The following CNTNAP5 variants were observed in gnomAD, a reference collection of about 807,000 sequenced individuals.
CNTNAP5 encodes contactin-associated protein-like 5.
In CNTNAP5, 72 loss-of-function variants were observed where a neutral mutation model predicts 150.2. The observed-to-expected ratio is 0.48, with a 90% CI of 0.40 to 0.58. CNTNAP5 has a LOEUF of 0.58. CNTNAP5 is among the 20% of genes least tolerant of loss of function. The pLI is 0.00. For missense variants in CNTNAP5, 1,636 were observed against 1,626.2 expected, an observed-to-expected ratio of 1.01 and a Z score of -0.10; for synonymous variants, 672 against 619.8, an observed-to-expected ratio of 1.08 and a Z score of -1.25.
chr2:124,339,794 G>A (rs1208699424), intron 3 of CNTNAP5, among the ~76,000 whole-genome samples: 23 of 152,058 alleles, frequency 1.5e-4, no homozygotes, highest in Admixed American at 1.5e-3. Flanking sequence ...TGGTGGGCAG[G>A]GGTGAGGGAA....
chr2:124,892,011 G>A (rs1374736565), intron 21 of CNTNAP5, among the ~76,000 whole-genome samples: 3 of 152,004 alleles, frequency 2.0e-5, no homozygotes, highest in African/African-American at 4.8e-5. Flanking sequence ...AGTCATTAAG[G>A]CTATCTAAGG....
intron 11 of CNTNAP5, among the ~76,000 whole-genome samples, chr2:124,599,994 C>G (rs940572914): frequency 6.6e-6 from 1 of 151,764 alleles, no homozygotes; most frequent in East Asian, 1.9e-4. Context: ...CAGAGCTTAC[C>G]TTAGATTAGT....
At chr2:124,802,087 G>T (rs1681981994) in intron 19 of CNTNAP5, among the ~76,000 whole-genome samples, 1 of 152,162 alleles carries the variant, frequency 6.6e-6, no homozygotes, top group Non-Finnish European at 1.5e-5. Flanking sequence ...AGCCCATTTT[G>T]CTTTCTCCAA....
In CNTNAP5 at chr2:124,396,557, C is replaced by T. The variant is rs1443817826; in HGVS notation, c.382-20886C>T. 3.3e-5 allele frequency among the ~76,000 whole-genome samples: 5 copies of T among 152,088 alleles called. No individual in the cohort carries two copies. In the East Asian group the frequency reaches 9.6e-4, roughly 29 times the overall value. On this transcript the variant is annotated intron_variant, in intron 3 of 23. Transcript: ENST00000682447. The stretch of plus-strand genomic sequence containing the variant: ...AGGCTACAACAAGCATTATTTTGCC[C>T]CCTTTTCTCCTTTGTAAACAATTTA...
At chr2:124,769,538 C>T (rs1248762895) in intron 16 of CNTNAP5, among the ~76,000 whole-genome samples, 6 of 152,162 alleles carry the variant, frequency 3.9e-5, no homozygotes, top group African/African-American at 1.4e-4. Flanking sequence ...GGTCTTCTCC[C>T]TTCCTATTCA....
intron 1 of CNTNAP5, among the ~76,000 whole-genome samples, chr2:124,096,776 T>G (rs1017592032): frequency 2.0e-5 from 3 of 152,068 alleles, no homozygotes; most frequent in Admixed American, 2.0e-4. Context: ...TGATCTTGAC[T>G]CACTGCAACC....
intron 1 of CNTNAP5, among the ~76,000 whole-genome samples, chr2:124,118,667 A>C (rs1683485776): frequency 6.6e-6 from 1 of 152,134 alleles, no homozygotes; most frequent in South Asian, 2.1e-4. Context: ...CTGCTACAGG[A>C]CTTGTGGAGA....
intron 6 of CNTNAP5, among the ~76,000 whole-genome samples, chr2:124,461,530 G>T (rs1381393270): frequency 1.5e-5 from 2 of 129,622 alleles, no homozygotes; most frequent in Non-Finnish European, 3.2e-5. Context: ...ACTGTTGTGG[G>T]GTGGGGGGAG....
At chr2:124,748,662 C>T (rs1254201667) in intron 14 of CNTNAP5, among the ~76,000 whole-genome samples, 2 of 152,114 alleles carry the variant, frequency 1.3e-5, no homozygotes, top group African/African-American at 4.8e-5. Context: ...GACTATTTCA[C>T]ATAAAATATA....
At chr2:124,553,254 A>G (rs1379634547) in intron 10 of CNTNAP5, among the ~76,000 whole-genome samples, 1 of 152,190 alleles carries the variant, frequency 6.6e-6, no homozygotes, top group Non-Finnish European at 1.5e-5. Flanking sequence ...CTGCAATCCC[A>G]GTACTTTGGG....
chr2:124,609,200 A>AT (rs1491284672), intron 11 of CNTNAP5, among the ~76,000 whole-genome samples: 1 of 152,174 alleles, frequency 6.6e-6, no homozygotes, highest in East Asian at 1.9e-4. Flanking sequence ...GGTCATAGAG[A>AT]TAAGCAAAGA....
intron 1 of CNTNAP5, among the ~76,000 whole-genome samples, chr2:124,108,988 A>C (rs1182524503): frequency 6.6e-6 from 1 of 152,084 alleles, no homozygotes; most frequent in East Asian, 1.9e-4. Flanking sequence ...CCCTAACATA[A>C]GAGCTTTCCA....
Position 124,790,054 on chromosome 2 carries a change from C to T in CNTNAP5, c.2905C>T (p.His969Tyr), listed in dbSNP as rs1402893188. The change falls in exon 18 of 24, where the codon CAC becomes TAC. Residue 969 changes from histidine to tyrosine, a missense_variant. Physicochemically the swap from His to Tyr is moderately conservative, Grantham distance 83. Transcript: ENST00000682447. ...CTGCAGCAGCTACGGCAGCATCTGC[C>T]ACAACGGGGGCAAGTGTGTGGAGAA... ...GHCSSYGSIC[H>Y]NGGKCVEKHN... The T allele has an allele frequency of 6.2e-7, 1 of 1,613,918 alleles. No individual in the cohort carries two copies. Among genetic ancestry groups the T allele is most frequent in the Admixed American group, 1.7e-5 (1 of 60,016 alleles).
At chr2:124,219,186 C>A (rs1053204121) in intron 1 of CNTNAP5, among the ~76,000 whole-genome samples, 1 of 152,062 alleles carries the variant, frequency 6.6e-6, no homozygotes, top group Non-Finnish European at 1.5e-5. Flanking sequence ...ACAGTCAATT[C>A]TGCTACAACA....
At chr2:124,233,347 C>G (rs1015463565) in intron 2 of CNTNAP5, among the ~76,000 whole-genome samples, 9 of 152,098 alleles carry the variant, frequency 5.9e-5, no homozygotes, top group African/African-American at 2.2e-4. Flanking sequence ...TATCTAGACT[C>G]ACACCAACCT....
intron 3 of CNTNAP5, among the ~76,000 whole-genome samples, chr2:124,247,685 C>T (rs903550349): frequency 6.6e-6 from 1 of 151,408 alleles, no homozygotes; most frequent in African/African-American, 2.4e-5. Context: ...ATTAAGGACA[C>T]AAAAAAATAA....
chr2:124,770,260 TC>T (rs1400470303), intron 16 of CNTNAP5, among the ~76,000 whole-genome samples: 2 of 152,128 alleles, frequency 1.3e-5, no homozygotes, highest in Non-Finnish European at 2.9e-5. Context: ...AATCAGATGT[TC>T]TTCTAGAGTT....
At chr2:124,252,363 C>T (rs1280292855) in intron 3 of CNTNAP5, among the ~76,000 whole-genome samples, 3 of 152,072 alleles carry the variant, frequency 2.0e-5, no homozygotes, top group Non-Finnish European at 4.4e-5. Context: ...CTCCTGCATC[C>T]CTCAAACCCA....
At chr2:124,386,912 G>T (rs1690942768) in intron 3 of CNTNAP5, among the ~76,000 whole-genome samples, 1 of 152,142 alleles carries the variant, frequency 6.6e-6, no homozygotes, top group Non-Finnish European at 1.5e-5. Context: ...CATAAGAGTG[G>T]AGCCCTAATC....
Sources: gnomAD v4.1 joint callset for allele counts (sites outside exome capture counted in the v4.1 genomes callset) on GRCh38, gnomAD v4.1.1 for gene constraint, MANE v1.5 for transcripts, NCBI Gene and HGNC (gene_info 2026-07-23, HGNC 2026-07-21) for gene names.